USP45: variants seen among roughly 807,000 people sequenced by gnomAD.
USP45 encodes ubiquitin specific peptidase 45.
A neutral mutation model predicts 95.8 loss-of-function variants in USP45; 89 were observed. The observed-to-expected ratio is 0.93, with a 90% CI of 0.78 to 1.11. The LOEUF is 1.11. Among genes scored for constraint, USP45 ranks in the 50% least tolerant of loss-of-function variants. USP45 has a pLI of 0.00. For synonymous variants in USP45, 281 were observed against 316.2 expected (o/e 0.89, Z 1.18); for missense variants, 898 against 942.5 (o/e 0.95, Z 0.62).
chr6:99,451,283 C>T (rs565625910), intron 13 of USP45, among the ~76,000 whole-genome samples: 1 of 152,274 alleles, frequency 6.6e-6, no homozygotes, highest in South Asian at 2.1e-4. Flanking sequence ...ATTTAGAAAA[C>T]CCCATCATCT....
chr6:99,509,645 A>C (rs1799332124), intron 2 of USP45, among the ~76,000 whole-genome samples: 1 of 149,660 alleles, frequency 6.7e-6, no homozygotes, highest in Non-Finnish European at 1.5e-5. Context: ...TGAGAAAGAG[A>C]CCAAAAAAAA....
intron 8 of USP45, 96 bp from the exon 9 acceptor site, chr6:99,476,326 T>C: frequency 8.1e-7 from 1 of 1,233,628 alleles, no homozygotes; most frequent in Non-Finnish European, 1.2e-6. Flanking sequence ...AGCATATTAT[T>C]AGCTGGGTGC....
intron 8 of USP45, among the ~76,000 whole-genome samples, chr6:99,481,884 G>GCCTC (rs1405626088): frequency 6.6e-6 from 1 of 152,122 alleles, no homozygotes; most frequent in East Asian, 1.9e-4. Context: ...TTTTAACTCT[G>GCCTC]TGAGACACTC....
At chr6:99,513,625 C>T (rs1362319433) in intron 1 of USP45, among the ~76,000 whole-genome samples, 1 of 152,088 alleles carries the variant, frequency 6.6e-6, no homozygotes, top group East Asian at 1.9e-4. Flanking sequence ...ATAAACAAAA[C>T]CAGGCATTTG....
At chr6:99,493,928 TCTTC>T (rs543246769) in intron 5 of USP45, among the ~76,000 whole-genome samples, 3 of 152,362 alleles carry the variant, frequency 2.0e-5, no homozygotes, top group African/African-American at 7.2e-5. Context: ...AAAATTCTCT[TCTTC>T]CTTTATAAAC....
Position 99,510,071 on chromosome 6 carries a change from ATTG to A in USP45, c.100+47_100+49del, listed in dbSNP as rs1218539210. On this transcript the variant is annotated intron_variant, in intron 2 of 17. Transcript: ENST00000500704. ...CCCATGTTGTTGAAGGGTCAACTGCATTGTTATTTCTTCTCAACACTATTTGGG... is the reference window on the plus strand; with the variant it reads ...CCCATGTTGTTGAAGGGTCAACTGCATTATTTCTTCTCAACACTATTTGGG... 4 of 1,401,002 alleles carry A rather than the reference ATTG, an allele frequency of 2.9e-6. No individual in the cohort carries two copies. The Admixed American group carries it at 6.9e-5, about 24-fold the overall frequency. The allele number at this position is 1,401,002 out of a possible 1,614,324, so 86.8% of individuals were successfully genotyped here. A position where few individuals can be genotyped will look rare whatever the true frequency, so the allele number is the denominator to read the frequency against.
chr6:99,490,346 TC>T (rs1408825786), intron 5 of USP45, among the ~76,000 whole-genome samples: 2 of 151,484 alleles, frequency 1.3e-5, no homozygotes, highest in Non-Finnish European at 2.9e-5. Context: ...GTATTTTTTT[TC>T]TTTTTTTTTT....
chr6:99,442,584 C>T (rs1186301004), intron 15 of USP45, among the ~76,000 whole-genome samples: 2 of 152,190 alleles, frequency 1.3e-5, no homozygotes, highest in African/African-American at 2.4e-5. Flanking sequence ...CAGTGGCTCA[C>T]GCCTAAAATC....
chr6:99,507,486 T>TA lies in USP45; in HGVS notation c.318dup (p.Lys107Ter), dbSNP rs745663558. Reference sequence around the variant, plus strand: ...CAATGGGGCTCTGTTCTGGAACTCTTAAAGTGCTTCAATGAATGTTGGCTT... The same window carrying TA: ...CAATGGGGCTCTGTTCTGGAACTCTTAAAAGTGCTTCAATGAATGTTGGCTT... On this transcript the variant is annotated frameshift_variant, in exon 4 of 18. Transcript: ENST00000500704. LOFTEE classifies it high-confidence loss of function. The TA allele has an allele frequency of 3.1e-6, 5 of 1,613,316 alleles. No homozygotes were observed. The African/African-American group carries it at 6.7e-5, about 22-fold the overall frequency.
upstream of USP45, among the ~76,000 whole-genome samples, chr6:99,517,119 T>C (rs1801162579): frequency 6.7e-6 from 1 of 148,356 alleles, no homozygotes; most frequent in Admixed American, 6.6e-5. Context: ...AACACTATTT[T>C]ATTTTATTTC....
intron 8 of USP45, among the ~76,000 whole-genome samples, chr6:99,478,957 G>A (rs1285870292): frequency 2.0e-5 from 3 of 150,808 alleles, no homozygotes; most frequent in Admixed American, 6.6e-5. Context: ...AGTACACCCT[G>A]TATGATTCCA....
chr6:99,437,524 A>AT (rs1302533449), intron 16 of USP45, 125 bp from the exon 17 acceptor site: 20 of 1,038,116 alleles, frequency 1.9e-5, no homozygotes, highest in Non-Finnish European at 2.5e-5. Context: ...TACTTTCCAT[A>AT]CTTACTAGGC....
In USP45 at chr6:99,433,208, A is replaced by G. The variant is rs1328946331; in HGVS notation, c.*2508T>C. ...AAGGTGGTCTTCACAAGTTTTAAGA[A>G]CATTAAATGACAATATTGGCACATA... On this transcript the variant is annotated 3_prime_UTR_variant, in exon 18 of 18. Transcript: ENST00000500704. 6.6e-6 allele frequency: 1 copy of G among 152,636 alleles called. No individual in the cohort carries two copies. The highest frequency in any genetic ancestry group is 2.4e-5 in the African/African-American group (1 of 41,452). 9.5% of individuals were successfully genotyped at this position (152,636 alleles called of 1,614,324 possible). A position where few individuals can be genotyped will look rare whatever the true frequency, so the allele number is the denominator to read the frequency against.
chr6:99,509,083 T>C (rs1799177888), intron 2 of USP45, among the ~76,000 whole-genome samples: 1 of 152,178 alleles, frequency 6.6e-6, no homozygotes, highest in Admixed American at 6.5e-5. Context: ...TGATTGGTGG[T>C]GGTTATACAA....
At chr6:99,447,940 G>A (rs920995776) in intron 13 of USP45, among the ~76,000 whole-genome samples, 1 of 152,206 alleles carries the variant, frequency 6.6e-6, no homozygotes, top group Non-Finnish European at 1.5e-5. Context: ...AACAGGGCCT[G>A]GAGTGGACCT....
At chr6:99,471,860 A>C (rs1427845274) in intron 9 of USP45, among the ~76,000 whole-genome samples, 1 of 152,192 alleles carries the variant, frequency 6.6e-6, no homozygotes, top group Non-Finnish European at 1.5e-5. Flanking sequence ...AGGCCAGACA[A>C]TGCAGCTCCT....
chr6:99,491,563 G>T lies in USP45; in HGVS notation c.479-2743C>A, dbSNP rs1795182876. Among the ~76,000 whole-genome samples, 3 of 152,134 alleles carry T rather than the reference G, an allele frequency of 2.0e-5. No individual in the cohort carries two copies. The South Asian group carries it at 6.2e-4, about 32-fold the overall frequency. ...TCTGATTTTACATTTATAAAACTCAGTCTCCAACAGGTTAAGTGATATGCC... is the reference window on the plus strand; with the variant it reads ...TCTGATTTTACATTTATAAAACTCATTCTCCAACAGGTTAAGTGATATGCC... On this transcript the variant is annotated intron_variant, in intron 5 of 17. Coordinates refer to ENST00000500704, the MANE Select transcript of USP45 (RefSeq NM_001346022.3).
At chr6:99,461,385 G>A in intron 13 of USP45, 4 of 985,264 alleles carry the variant, frequency 4.1e-6, no homozygotes, top group African/African-American at 3.5e-5. Context: ...TTAGTTTTTG[G>A]TTCAAGAAGG....
At position 99,445,899 on chromosome 6, in the gene USP45, A is replaced by C; in HGVS notation, c.1873T>G (p.Tyr625Asp). The C allele has an allele frequency of 6.2e-7, 1 of 1,613,916 alleles. No homozygotes were observed. The highest frequency in any genetic ancestry group is 8.5e-7 in the Non-Finnish European group (1 of 1,179,882). The change falls in exon 14 of 18, where the codon TAC becomes GAC. Residue 625 changes from tyrosine to aspartate, a missense_variant. Transcript: ENST00000500704. ...SKECSIQSCLYQFTSMELLMG... is the reference protein window; with the variant it reads ...SKECSIQSCLDQFTSMELLMG... ...AGTAATTCCATAGATGTAAACTGGT[A>C]GAGACAGGACTGAATTGAACATTCT...
Sources: gnomAD v4.1 joint callset for allele counts (sites outside exome capture counted in the v4.1 genomes callset) on GRCh38, gnomAD v4.1.1 for gene constraint, MANE v1.5 for transcripts, NCBI Gene and HGNC (gene_info 2026-07-23, HGNC 2026-07-21) for gene names.